Variants in CSMD1 observed in about 807,000 individuals in gnomAD.
CSMD1 encodes CUB and Sushi multiple domains 1.
CSMD1 carries 213 observed loss-of-function variants against 417.5 expected under a neutral mutation model. The ratio of observed to expected loss-of-function variants is 0.51; its 90% confidence interval spans 0.46 to 0.57. CSMD1 has a LOEUF of 0.57. CSMD1 is among the 20% of genes least tolerant of loss of function. The probability of loss-of-function intolerance (pLI) is 0.00; values close to 1 mark genes in which losing one functional copy is unlikely to be tolerated. For missense variants in CSMD1, 6,923 were observed against 4,529.7 expected (o/e 1.53, Z -15.17); for synonymous variants, 2,862 against 1,736.8 (o/e 1.65, Z -16.11).
intron 26 of CSMD1, among the ~76,000 whole-genome samples, chr8:3,238,081 C>T (rs1007515761): frequency 3.3e-5 from 5 of 151,400 alleles, no homozygotes; most frequent in African/African-American, 9.7e-5. Context: ...GGGCTGAGTC[C>T]GAAAAGAGAG....
At chr8:3,473,012 G>A (rs1348095194) in intron 11 of CSMD1, among the ~76,000 whole-genome samples, 1 of 151,886 alleles carries the variant, frequency 6.6e-6, no homozygotes, top group Non-Finnish European at 1.5e-5. Context: ...TCCTAACTCT[G>A]TCTCCTGGTT....
chr8:4,162,964 T>A (rs2552091), intron 3 of CSMD1, among the ~76,000 whole-genome samples: 11,282 of 152,288 alleles, frequency 0.074, 599 homozygotes, highest in Middle Eastern at 0.12. Flanking sequence ...TTTTCCAAAA[T>A]GCCCTAGAGT....
intron 1 of CSMD1, among the ~76,000 whole-genome samples, chr8:4,925,615 C>T (rs1333261297): frequency 2.0e-5 from 3 of 150,822 alleles, no homozygotes; most frequent in African/African-American, 7.3e-5. Flanking sequence ...GGTGCAGTCT[C>T]GGCTCACTGC....
intron 3 of CSMD1, among the ~76,000 whole-genome samples, chr8:4,237,875 T>G (rs1301990681): frequency 6.6e-6 from 1 of 152,176 alleles, no homozygotes; most frequent in African/African-American, 2.4e-5. Context: ...CAATGCCTTA[T>G]GTTCCTTAAA....
intron 8 of CSMD1, among the ~76,000 whole-genome samples, chr8:3,590,728 T>C (rs1181444580): frequency 6.6e-6 from 1 of 152,160 alleles, no homozygotes; most frequent in Non-Finnish European, 1.5e-5. Context: ...ACAGAGCCAA[T>C]GTGGGTAAAC....
intron 5 of CSMD1, among the ~76,000 whole-genome samples, chr8:3,987,415 C>G (rs926867252): frequency 8.5e-5 from 13 of 152,188 alleles, no homozygotes; most frequent in Non-Finnish European, 1.3e-4. Flanking sequence ...CAGGGGTTGT[C>G]TGTCTCCGTT....
intron 7 of CSMD1, among the ~76,000 whole-genome samples, chr8:3,641,542 G>C (rs1378700996): frequency 6.6e-6 from 1 of 152,162 alleles, no homozygotes; most frequent in Admixed American, 6.5e-5. Flanking sequence ...CACACAGAAA[G>C]GGAGTGTATG....
At position 3,821,897 on chromosome 8, in the gene CSMD1, G is replaced by T. The variant is rs562990858; in HGVS notation, c.819-67855C>A. ...GGAGAAGGTAAAAACCATGAACTGT[G>T]CTTCCAGAAGCTGGATGCGATGAAG... On this transcript the variant is annotated intron_variant, in intron 5 of 69. Coordinates refer to ENST00000635120, the MANE Select transcript of CSMD1 (RefSeq NM_033225.6). 6.6e-5 allele frequency among the ~76,000 whole-genome samples: 10 copies of T among 152,284 alleles called. No homozygotes were observed. In the South Asian group the frequency reaches 2.1e-3, roughly 32 times the overall value.
chr8:4,403,111 G>C (rs559147994), intron 3 of CSMD1, among the ~76,000 whole-genome samples: 1 of 151,886 alleles, frequency 6.6e-6, no homozygotes. Flanking sequence ...GATTACAGGC[G>C]TGAGCCACTG....
At chr8:4,902,909 A>G (rs1299007024) in intron 1 of CSMD1, among the ~76,000 whole-genome samples, 2 of 151,276 alleles carry the variant, frequency 1.3e-5, no homozygotes, top group African/African-American at 2.4e-5. Context: ...TACACAAGCA[A>G]TATGCAACCT....
intron 2 of CSMD1, among the ~76,000 whole-genome samples, chr8:4,614,009 A>G (rs1033293001): frequency 1.3e-5 from 2 of 152,180 alleles, no homozygotes; most frequent in African/African-American, 4.8e-5. Flanking sequence ...CCTAATAAAA[A>G]TTTTAGGACA....
Position 4,377,888 on chromosome 8 carries a change from G to C in CSMD1, c.415+42065C>G, listed in dbSNP as rs533570654. On this transcript the variant is annotated intron_variant, in intron 3 of 69. Coordinates refer to ENST00000635120, the MANE Select transcript of CSMD1 (RefSeq NM_033225.6). ...ATTACTGCCGAAATGAATTGAATTA[G>C]TATGGATTACTTTGTATAGTACTTA... Among the ~76,000 whole-genome samples, 6 of 152,284 alleles carry C rather than the reference G, an allele frequency of 3.9e-5. No homozygotes were observed. In the East Asian group the frequency reaches 5.8e-4, roughly 15 times the overall value.
At chr8:4,928,777 G>T (rs942563559) in intron 1 of CSMD1, among the ~76,000 whole-genome samples, 1 of 152,006 alleles carries the variant, frequency 6.6e-6, no homozygotes, top group African/African-American at 2.4e-5. Context: ...AGGTAATTAA[G>T]TTAAAATGAG....
intron 26 of CSMD1, among the ~76,000 whole-genome samples, chr8:3,241,306 A>G (rs1461543597): frequency 6.6e-6 from 1 of 151,198 alleles, no homozygotes; most frequent in East Asian, 1.9e-4. Flanking sequence ...GTCAATACCC[A>G]CAACAGTTAT....
At chr8:3,110,599 C>A (rs923937358) in intron 42 of CSMD1, among the ~76,000 whole-genome samples, 1 of 152,214 alleles carries the variant, frequency 6.6e-6, no homozygotes, top group Non-Finnish European at 1.5e-5. Context: ...ATTTATTCTT[C>A]TATGCCTCAA....
intron 3 of CSMD1, among the ~76,000 whole-genome samples, chr8:4,325,127 G>A (rs1799486967): frequency 6.6e-6 from 1 of 152,094 alleles, no homozygotes; most frequent in Non-Finnish European, 1.5e-5. Flanking sequence ...CACATTGTAT[G>A]CAATCATGAA....
At chr8:3,523,618 C>G (rs975738401) in intron 10 of CSMD1, among the ~76,000 whole-genome samples, 1 of 151,836 alleles carries the variant, frequency 6.6e-6, no homozygotes, top group Non-Finnish European at 1.5e-5. Flanking sequence ...TACACACACA[C>G]ATGCATGCAC....
At chr8:4,946,414 A>C (rs1563837289) in intron 1 of CSMD1, among the ~76,000 whole-genome samples, 1 of 152,202 alleles carries the variant, frequency 6.6e-6, no homozygotes, top group South Asian at 2.1e-4. Context: ...GTCATTGTCC[A>C]TGAAGATGGC....
At chr8:4,409,061 G>C (rs954869232) in intron 3 of CSMD1, among the ~76,000 whole-genome samples, 7 of 152,164 alleles carry the variant, frequency 4.6e-5, no homozygotes, top group Non-Finnish European at 8.8e-5. Context: ...ATTCGGCATT[G>C]AATTTATTGG....
Sources: gnomAD v4.1 joint callset for allele counts (sites outside exome capture counted in the v4.1 genomes callset) on GRCh38, gnomAD v4.1.1 for gene constraint, MANE v1.5 for transcripts, NCBI Gene and HGNC (gene_info 2026-07-23, HGNC 2026-07-21) for gene names.